PEPD: variants seen among roughly 807,000 people sequenced by gnomAD.
PEPD encodes the protein peptidase D.
PEPD carries 53 observed loss-of-function variants against 60.7 expected under a neutral mutation model. That is an observed-to-expected ratio of 0.87 (90% CI 0.70 to 1.10). PEPD has a LOEUF of 1.10. PEPD is among the 50% of genes least tolerant of loss of function. The pLI is 0.00. For synonymous variants in PEPD, 267 were observed against 284.1 expected (o/e 0.94, Z 0.60); for missense variants, 711 against 711.9 (o/e 1.00, Z 0.01).
intron 9 of PEPD, among the ~76,000 whole-genome samples, chr19:33,441,303 T>G (rs796292965): frequency 4.6e-5 from 7 of 152,330 alleles, no homozygotes; most frequent in African/African-American, 1.2e-4. Flanking sequence ...CTGGGAACGG[T>G]TGCCACATGC....
At chr19:33,485,491 TAA>T (rs908651690) in intron 6 of PEPD, among the ~76,000 whole-genome samples, 66 of 110,904 alleles carry the variant, frequency 6.0e-4, no homozygotes, top group Admixed American at 1.9e-3. Flanking sequence ...AGACTCTGTC[TAA>T]AAAAAAAAAA....
At chr19:33,393,229 CCCGGGGTCTGGGGT>C (rs1968270759) in intron 12 of PEPD, among the ~76,000 whole-genome samples, 1 of 134,152 alleles carries the variant, frequency 7.5e-6, no homozygotes, top group African/African-American at 3.0e-5. Context: ...GGGAGGCCGT[CCCGGGGTCTGGGGT>C]CTGGGGTCTG....
At chr19:33,407,461 G>C (rs868147264) in intron 11 of PEPD, among the ~76,000 whole-genome samples, 1 of 152,244 alleles carries the variant, frequency 6.6e-6, no homozygotes, top group Non-Finnish European at 1.5e-5. Flanking sequence ...GAAGCAGGGG[G>C]ATGAGTCCTG....
At chr19:33,514,749 A>T (rs960695871) in intron 1 of PEPD, among the ~76,000 whole-genome samples, 3 of 151,158 alleles carry the variant, frequency 2.0e-5, no homozygotes, top group African/African-American at 7.3e-5. Flanking sequence ...GCACCCCTCC[A>T]TCCAGGGCCG....
chr19:33,508,591 CG>C (rs1970859074), intron 3 of PEPD, among the ~76,000 whole-genome samples: 1 of 152,262 alleles, frequency 6.6e-6, no homozygotes, highest in South Asian at 2.1e-4. Context: ...TGCACGCTGG[CG>C]GCTGGTGCTG....
At chr19:33,427,240 G>T (rs1390147638) in intron 9 of PEPD, among the ~76,000 whole-genome samples, 1 of 152,224 alleles carries the variant, frequency 6.6e-6, no homozygotes, top group Non-Finnish European at 1.5e-5. Flanking sequence ...TGGAGCTGGG[G>T]AGGCGGAGGC....
At chr19:33,390,065 T>A (rs1024237082) in intron 13 of PEPD, among the ~76,000 whole-genome samples, 1 of 152,248 alleles carries the variant, frequency 6.6e-6, no homozygotes, top group Non-Finnish European at 1.5e-5. Flanking sequence ...CAACTTTTAT[T>A]GGGCTCCAAG....
intron 9 of PEPD, among the ~76,000 whole-genome samples, chr19:33,461,359 C>T (rs1470304601): frequency 3.3e-5 from 5 of 151,834 alleles, no homozygotes; most frequent in South Asian, 2.1e-4. Flanking sequence ...TAAGGAACGG[C>T]GGGTATTCCA....
chr19:33,446,937 C>T (rs1969605326), intron 9 of PEPD, among the ~76,000 whole-genome samples: 1 of 152,240 alleles, frequency 6.6e-6, no homozygotes, highest in African/African-American at 2.4e-5. Context: ...ACAGCACCAG[C>T]AAAGCCCAGC....
chr19:33,406,718 T>C (rs1298625746), intron 11 of PEPD, among the ~76,000 whole-genome samples: 1 of 152,202 alleles, frequency 6.6e-6, no homozygotes, highest in Non-Finnish European at 1.5e-5. Flanking sequence ...AGACTCAGGC[T>C]GAGTAGACAG....
chr19:33,445,264 T>G (rs1412834835), intron 9 of PEPD, among the ~76,000 whole-genome samples: 1 of 152,202 alleles, frequency 6.6e-6, no homozygotes, highest in Non-Finnish European at 1.5e-5. Context: ...TCAGCATGTA[T>G]GAACCTACAG....
chr19:33,473,615 T>C (rs923911193), intron 7 of PEPD, among the ~76,000 whole-genome samples: 1 of 152,234 alleles, frequency 6.6e-6, no homozygotes, highest in Non-Finnish European at 1.5e-5. Flanking sequence ...CCAGAGGTAC[T>C]TAACCGAAAC....
Position 33,493,387 on chromosome 19 carries a change from T to C in PEPD, c.394-50A>G, listed in dbSNP as rs771970072. ...ACTTTAGAGGCACCACTAAGCCTAA[T>C]GAAGATGACATGCCACCATTCCTTC... On this transcript the variant is annotated intron_variant, in intron 4 of 14. Transcript: ENST00000244137. The C allele has an allele frequency of 4.8e-6, 6 of 1,251,028 alleles. No homozygotes were observed. The South Asian group carries it at 7.2e-5, about 15-fold the overall frequency. 77.5% of individuals were successfully genotyped at this position (1,251,028 alleles called of 1,614,324 possible). A position where few individuals can be genotyped will look rare whatever the true frequency, so the allele number is the denominator to read the frequency against.
chr19:33,411,871 G>GCCAC, intron 10 of PEPD, 122 bp from the exon 11 acceptor site: 1 of 719,402 alleles, frequency 1.4e-6, no homozygotes, highest in Non-Finnish European at 2.5e-6. Flanking sequence ...CACAGGCCCA[G>GCCAC]GCGTGGCTGG....
chr19:33,463,044 G>A lies in PEPD; in HGVS notation c.625-3C>T. 6.4e-7 allele frequency: 1 copy of A among 1,571,810 alleles called. No homozygotes were observed. Among genetic ancestry groups the A allele is most frequent in the Non-Finnish European group, 8.8e-7 (1 of 1,141,518 alleles). ...CCCACTTTTACAGCCTTCATTACCTGGAGGACGGATATTAAGCAAAGACAT... is the reference window on the plus strand; with the variant it reads ...CCCACTTTTACAGCCTTCATTACCTAGAGGACGGATATTAAGCAAAGACAT... On this transcript the variant is annotated splice_polypyrimidine_tract_variant and splice_region_variant and intron_variant, in intron 8 of 14. Transcript: ENST00000244137.
At chr19:33,493,156 G>GT in intron 5 of PEPD, 134 bp downstream of exon 5, 1 of 716,670 alleles carries the variant, frequency 1.4e-6, no homozygotes, top group South Asian at 1.5e-5. Context: ...GATAACAGGC[G>GT]TGAGCCCCTG....
intron 9 of PEPD, among the ~76,000 whole-genome samples, chr19:33,448,198 C>T (rs187892282): frequency 3.3e-4 from 51 of 152,312 alleles, no homozygotes; most frequent in Admixed American, 2.7e-3. Context: ...TTCTAAAAAC[C>T]GGCACCAAAC....
chr19:33,413,680 G>A (rs759228635), intron 9 of PEPD, 37 bp from the exon 10 acceptor site: 3 of 1,307,800 alleles, frequency 2.3e-6, no homozygotes, highest in Non-Finnish European at 3.3e-6. Flanking sequence ...TGGGGCACTA[G>A]AGCAGGCACA....
At chr19:33,436,394 G>A (rs771684392) in intron 9 of PEPD, among the ~76,000 whole-genome samples, 14 of 152,164 alleles carry the variant, frequency 9.2e-5, no homozygotes, top group Non-Finnish European at 1.6e-4. Context: ...ATCTCCCAAT[G>A]GCCGAGTACA....
Sources: allele counts gnomAD v4.1 joint callset (sites outside exome capture counted in the v4.1 genomes callset), GRCh38; gene constraint gnomAD v4.1.1; transcripts MANE v1.5; gene names NCBI Gene and HGNC (gene_info 2026-07-23, HGNC 2026-07-21).